Variants in PARP11 observed in about 807,000 individuals in gnomAD.
PARP11 encodes protein mono-ADP-ribosyltransferase PARP11.
PARP11 carries 31 observed loss-of-function variants against 42.9 expected under a neutral mutation model. The observed-to-expected ratio is 0.72, with a 90% CI of 0.54 to 0.98. The LOEUF is 0.98. PARP11 is among the 50% of genes least tolerant of loss of function. The pLI, the probability that PARP11 is intolerant of heterozygous loss-of-function variation, is 0.00. For synonymous variants in PARP11, 137 were observed against 127.3 expected (o/e 1.08, Z -0.51); for missense variants, 365 against 413.1 (o/e 0.88, Z 1.01).
Position 3,840,198 on chromosome 12 carries a change from A to G in PARP11, c.19-10180T>C. On this transcript the variant is annotated intron_variant, in intron 1 of 7. Transcript: ENST00000228820. This position sits in a 1 kb window ranked among gnomAD's most constrained non-coding sequence, Gnocchi z 4.4. Reference sequence around the variant, plus strand: ...AAGTTAGGTTGGATCACAATGGAAAATTTTTGAATGCAGACGTTCAAGGAG... The same window carrying G: ...AAGTTAGGTTGGATCACAATGGAAAGTTTTTGAATGCAGACGTTCAAGGAG... The G allele has an allele frequency of 1.2e-6, 2 of 1,611,318 alleles. No homozygotes were observed. The highest frequency in any genetic ancestry group is 2.2e-5 in the South Asian group (2 of 91,022).
chr12:3,832,714 A>T (rs1327888370), intron 1 of PARP11, among the ~76,000 whole-genome samples: 1 of 152,256 alleles, frequency 6.6e-6, no homozygotes, highest in African/African-American at 2.4e-5. Context: ...GCTCTAGGCT[A>T]GGACACATTT....
At chr12:3,839,708 C>T in intron 1 of PARP11, 2 of 1,044,900 alleles carry the variant, frequency 1.9e-6, no homozygotes, top group Admixed American at 3.4e-5. Context: ...AATAATTTTC[C>T]TGAAAAGGTG....
chr12:3,823,059 G>A (rs1947434181), intron 4 of PARP11, among the ~76,000 whole-genome samples: 1 of 152,164 alleles, frequency 6.6e-6, no homozygotes, highest in Non-Finnish European at 1.5e-5. Flanking sequence ...GTGATGTTGA[G>A]GGATTTAATA....
At chr12:3,827,197 G>A (rs1947545289) in intron 3 of PARP11, among the ~76,000 whole-genome samples, 1 of 152,186 alleles carries the variant, frequency 6.6e-6, no homozygotes, top group East Asian at 1.9e-4. Context: ...AGAATGGTTG[G>A]AGCTGATAAC....
intron 6 of PARP11, 99 bp downstream of exon 6, chr12:3,821,774 C>T: frequency 8.0e-7 from 1 of 1,250,570 alleles, no homozygotes; most frequent in Non-Finnish European, 1.1e-6. Flanking sequence ...AGAAAAACAG[C>T]ATGTCTACAC....
chr12:3,847,689 C>T (rs981592215), intron 1 of PARP11, among the ~76,000 whole-genome samples: 2 of 152,048 alleles, frequency 1.3e-5, no homozygotes, highest in African/African-American at 4.8e-5. Flanking sequence ...TAATAAAGGC[C>T]AGATGACAAA....
Position 3,847,667 on chromosome 12 carries a change from C to T in PARP11, c.19-17649G>A, listed in dbSNP as rs1265329082. Among the ~76,000 whole-genome samples the T allele has an allele frequency of 6.6e-5, 10 of 152,046 alleles. 1 individual carries two copies. The highest frequency in any genetic ancestry group is 1.4e-4 in the African/African-American group (6 of 41,396). ...CTCAACAAACTGGATATAGAAGAAA[C>T]GTATCTCAAAATAATAAAGGCCAGA... On this transcript the variant is annotated intron_variant, in intron 1 of 7. Coordinates refer to ENST00000228820, the MANE Select transcript of PARP11 (RefSeq NM_020367.6).
Position 3,810,759 on chromosome 12 carries a change from A to G in PARP11, c.*1364T>C, listed in dbSNP as rs533950061. ...AAGAGGAAGAGAAAAAGGAAGAGAG[A>G]GAAAGAGGAAGAGGAGAGGAAGAGA... On this transcript the variant is annotated 3_prime_UTR_variant, in exon 8 of 8. Coordinates refer to ENST00000228820, the MANE Select transcript of PARP11 (RefSeq NM_020367.6). The G allele has an allele frequency of 6.6e-6, 1 of 152,162 alleles. No individual in the cohort carries two copies. Among genetic ancestry groups the G allele is most frequent in the South Asian group, 2.1e-4 (1 of 4,798 alleles). 9.4% of individuals were successfully genotyped at this position (152,162 alleles called of 1,614,324 possible).
intron 1 of PARP11, among the ~76,000 whole-genome samples, chr12:3,865,816 T>C (rs538318129): frequency 6.6e-6 from 1 of 152,080 alleles, no homozygotes; most frequent in South Asian, 2.1e-4. Flanking sequence ...GTATTTTAAT[T>C]GGGGTGTTTG....
intron 4 of PARP11, among the ~76,000 whole-genome samples, chr12:3,825,262 T>G (rs2138034379): frequency 6.6e-6 from 1 of 152,352 alleles, no homozygotes; most frequent in Middle Eastern, 3.4e-3. Context: ...TATTGTCTTC[T>G]GACATTTATA....
At chr12:3,835,940 T>C (rs1020103056) in intron 1 of PARP11, among the ~76,000 whole-genome samples, 1 of 151,808 alleles carries the variant, frequency 6.6e-6, no homozygotes, top group Non-Finnish European at 1.5e-5. Context: ...AACTACAGTA[T>C]CAGAAGCGGA....
At chr12:3,855,680 C>T (rs11062871) in intron 1 of PARP11, among the ~76,000 whole-genome samples, 2,801 of 152,158 alleles carry the variant, frequency 0.018, 126 homozygotes, top group East Asian at 0.15. Flanking sequence ...GAATCAATAT[C>T]GTGAAAATGG....
chr12:3,816,618 A>G (rs1294459257), intron 6 of PARP11, among the ~76,000 whole-genome samples: 1 of 152,232 alleles, frequency 6.6e-6, no homozygotes, highest in Non-Finnish European at 1.5e-5. Context: ...TGGTTTTCTC[A>G]AAGAAACATT....
In PARP11 at chr12:3,853,109, T is replaced by C. The variant is rs1948126097; in HGVS notation, c.18+20103A>G. On this transcript the variant is annotated intron_variant, in intron 1 of 7. Coordinates refer to ENST00000228820, the MANE Select transcript of PARP11 (RefSeq NM_020367.6). ...GAGAGATTTTTGTCATCACCAGGCC[T>C]GCCTTACAAGAGCTCCTGAAGGAAG... Among the ~76,000 whole-genome samples, 3 of 152,244 alleles carry C rather than the reference T, an allele frequency of 2.0e-5. No homozygotes were observed. In the East Asian group the frequency reaches 5.8e-4, roughly 29 times the overall value.
At chr12:3,873,070 G>C (rs1380274424) in intron 1 of PARP11, 142 bp downstream of exon 1, 1 of 829,206 alleles carries the variant, frequency 1.2e-6, no homozygotes, top group African/African-American at 1.7e-5. Flanking sequence ...GACTACAGAA[G>C]CCAAAAGGCC....
rs1947517500 is a variant in PARP11, at chr12:3,826,140, CT to C, written c.344+17del. On this transcript the variant is annotated intron_variant, in intron 4 of 7. Coordinates refer to ENST00000228820, the MANE Select transcript of PARP11 (RefSeq NM_020367.6). ...AAAAAAAAACCCACTCTTTCCACCCCTATTCTCTTTACCATACCTGAAAGCA... is the reference window on the plus strand; with the variant it reads ...AAAAAAAAACCCACTCTTTCCACCCCATTCTCTTTACCATACCTGAAAGCA... 2.6e-6 allele frequency: 4 copies of C among 1,513,176 alleles called. No homozygotes were observed. In the Admixed American group the frequency reaches 8.6e-5, roughly 32 times the overall value. 93.7% of individuals were successfully genotyped at this position (1,513,176 alleles called of 1,614,324 possible). A position where few individuals can be genotyped will look rare whatever the true frequency, so the allele number is the denominator to read the frequency against.
chr12:3,849,836 G>C (rs1439400324), intron 1 of PARP11, among the ~76,000 whole-genome samples: 1 of 152,058 alleles, frequency 6.6e-6, no homozygotes, highest in Non-Finnish European at 1.5e-5. Flanking sequence ...ATGGTTTCTA[G>C]CATAAAGAAG....
At chr12:3,822,507 G>A (rs1947419295) in intron 4 of PARP11, among the ~76,000 whole-genome samples, 1 of 149,030 alleles carries the variant, frequency 6.7e-6, no homozygotes, top group African/African-American at 2.5e-5. Context: ...GCTGAGGCAG[G>A]AGAATGGCGT....
At chr12:3,837,662 C>G (rs727704) in intron 1 of PARP11, among the ~76,000 whole-genome samples, 26,013 of 147,756 alleles carry the variant, frequency 0.18, 2,877 homozygotes, top group East Asian at 0.52. Context: ...GGCTGAATGG[C>G]GAAGAAAAAA....
Sources: allele counts gnomAD v4.1 joint callset (sites outside exome capture counted in the v4.1 genomes callset), GRCh38; gene constraint gnomAD v4.1.1; non-coding constraint Gnocchi (gnomAD v3.1); transcripts MANE v1.5; gene names NCBI Gene and HGNC (gene_info 2026-07-23, HGNC 2026-07-21).